Variants in ANKRD30B observed in about 807,000 individuals in gnomAD.
The protein encoded by ANKRD30B is ankyrin repeat domain-containing protein 30B.
A neutral mutation model predicts 202.2 loss-of-function variants in ANKRD30B; 144 were observed. That is an observed-to-expected ratio of 0.71 (90% CI 0.62 to 0.82). The LOEUF is 0.82. Among genes scored for constraint, ANKRD30B ranks in the 40% least tolerant of loss-of-function variants. The pLI is 0.00. For missense variants in ANKRD30B, 1,487 were observed against 1,669.1 expected, an observed-to-expected ratio of 0.89 and a Z score of 1.90; for synonymous variants, 508 against 561.3, an observed-to-expected ratio of 0.91 and a Z score of 1.34.
the ANKRD30B span, among the ~76,000 whole-genome samples, chr18:14,920,077 A>G: frequency 6.6e-6 from 1 of 152,236 alleles, no homozygotes; most frequent in East Asian, 1.9e-4. Context: ...AGGGTCAGTA[A>G]ACAAGGCACT....
the ANKRD30B span, among the ~76,000 whole-genome samples, chr18:14,912,050 A>T: frequency 6.6e-6 from 1 of 152,146 alleles, no homozygotes; most frequent in African/African-American, 2.4e-5. Flanking sequence ...CTACATATAG[A>T]TCATATTATC....
At chr18:14,880,256 C>G in the ANKRD30B span, among the ~76,000 whole-genome samples, 3 of 152,124 alleles carry the variant, frequency 2.0e-5, no homozygotes, top group Non-Finnish European at 4.4e-5. Context: ...ATTTTTAAAC[C>G]AGTACCATGC....
In ANKRD30B at chr18:14,797,670, AT is replaced by A. The variant is rs1598636685; in HGVS notation, c.1938del (p.Asp646GlufsTer6). On this transcript the variant is annotated frameshift_variant, in exon 19 of 44. Transcript: ENST00000690538. LOFTEE classifies it high-confidence loss of function. ...DRETFKAESPDKDGLLKPTCG... is the reference protein window; with the variant it reads ...DRETFKAESPXKDGLLKPTCG... Reference sequence around the variant, plus strand: ...GTCCCTTTTCTTTTAGAGTCTCCTGATAAAGATGGTCTTCTGAAGGTAATAG... The same window carrying A: ...GTCCCTTTTCTTTTAGAGTCTCCTGAAAAGATGGTCTTCTGAAGGTAATAG... 1 of 1,608,700 alleles carries A rather than the reference AT, an allele frequency of 6.2e-7. No homozygotes were observed. The highest frequency in any genetic ancestry group is 1.1e-5 in the South Asian group (1 of 90,942).
intron 14 of ANKRD30B, among the ~76,000 whole-genome samples, chr18:14,785,510 T>A (rs1319100497): frequency 6.6e-6 from 1 of 152,240 alleles, no homozygotes; most frequent in South Asian, 2.1e-4. Context: ...GTTAGTTTTA[T>A]GTGCTAATTT....
chr18:14,755,787 T>C (rs931852303), intron 4 of ANKRD30B, among the ~76,000 whole-genome samples: 5 of 152,190 alleles, frequency 3.3e-5, no homozygotes, highest in African/African-American at 1.2e-4. Flanking sequence ...CCACATTTTC[T>C]TAATCCAGTC....
intron 16 of ANKRD30B, among the ~76,000 whole-genome samples, chr18:14,794,182 A>AG (rs34545161): frequency 3.9e-5 from 6 of 152,232 alleles, no homozygotes; most frequent in East Asian, 3.9e-4. Context: ...CTTTATAAAA[A>AG]AAAGTAATTT....
At chr18:14,932,066 G>A in the ANKRD30B span, among the ~76,000 whole-genome samples, 2 of 65,756 alleles carry the variant, frequency 3.0e-5, no homozygotes, top group Non-Finnish European at 6.2e-5. Flanking sequence ...TCACTGCCCT[G>A]CCCTTGTGGG....
chr18:14,748,785 G>A (rs1183426898), intron 1 of ANKRD30B, 145 bp downstream of exon 1: 15 of 933,624 alleles, frequency 1.6e-5, no homozygotes, highest in African/African-American at 5.0e-5. Context: ...CCTGGGCCCC[G>A]AGGTCTTGGC....
the ANKRD30B span, among the ~76,000 whole-genome samples, chr18:14,894,596 A>G: frequency 6.6e-6 from 1 of 152,294 alleles, no homozygotes; most frequent in African/African-American, 2.4e-5. Flanking sequence ...GCCAATCAGA[A>G]CATTTAATCT....
the ANKRD30B span, among the ~76,000 whole-genome samples, chr18:14,867,290 T>C: frequency 1.3e-4 from 16 of 120,346 alleles, no homozygotes; most frequent in Non-Finnish European, 2.3e-4. Flanking sequence ...GTGGGCACAA[T>C]CTGGGGGCTA....
At chr18:14,859,753 T>C in the ANKRD30B span, among the ~76,000 whole-genome samples, 16 of 13,016 alleles carry the variant, frequency 1.2e-3, no homozygotes, top group Non-Finnish European at 2.1e-3. Context: ...TGGGGAGAGG[T>C]GCTCCTCACC....
chr18:14,790,288 G>T (rs1345542741), intron 15 of ANKRD30B, among the ~76,000 whole-genome samples: 1 of 152,014 alleles, frequency 6.6e-6, no homozygotes, highest in Non-Finnish European at 1.5e-5. Context: ...GGAGATTTTG[G>T]GCTGAGACAA....
chr18:14,787,965 A>C (rs1466705926), intron 15 of ANKRD30B, among the ~76,000 whole-genome samples: 1 of 152,178 alleles, frequency 6.6e-6, no homozygotes, highest in Non-Finnish European at 1.5e-5. Context: ...TTTACATTCT[A>C]TTCAAGCACT....
chr18:14,865,703 A>C, the ANKRD30B span, among the ~76,000 whole-genome samples: 2 of 147,700 alleles, frequency 1.4e-5, no homozygotes, highest in African/African-American at 2.5e-5. Flanking sequence ...GGCACTAACC[A>C]CCCTCTTTAC....
chr18:14,923,309 A>T, the ANKRD30B span, among the ~76,000 whole-genome samples: 1 of 152,162 alleles, frequency 6.6e-6, no homozygotes, highest in Non-Finnish European at 1.5e-5. Context: ...GCCTGGCAGC[A>T]TTCATACAAG....
the ANKRD30B span, among the ~76,000 whole-genome samples, chr18:14,929,487 C>A: frequency 6.6e-6 from 1 of 152,154 alleles, no homozygotes; most frequent in African/African-American, 2.4e-5. Flanking sequence ...GGCCCTTATT[C>A]CCACTGCTCT....
chr18:14,872,523 T>C, the ANKRD30B span, among the ~76,000 whole-genome samples: 3 of 152,146 alleles, frequency 2.0e-5, no homozygotes, highest in East Asian at 1.9e-4. Flanking sequence ...ACTGCTGCCA[T>C]TGGTTATATA....
At chr18:14,766,947 G>A (rs1252070551) in intron 7 of ANKRD30B, among the ~76,000 whole-genome samples, 3 of 152,262 alleles carry the variant, frequency 2.0e-5, no homozygotes, top group African/African-American at 7.2e-5. Context: ...GTGGTAATCT[G>A]TTCAAAAGAA....
the ANKRD30B span, among the ~76,000 whole-genome samples, chr18:14,864,524 CATTTTTTCCCCACT>C: frequency 1.3e-5 from 2 of 152,076 alleles, no homozygotes; most frequent in Admixed American, 1.3e-4. Flanking sequence ...TTTTCCCCAC[CATTTTTTCCCCACT>C]GTCTTTTTGC....
Sources: allele counts gnomAD v4.1 joint callset (sites outside exome capture counted in the v4.1 genomes callset), GRCh38; gene constraint gnomAD v4.1.1; transcripts MANE v1.5; gene names NCBI Gene and HGNC (gene_info 2026-07-23, HGNC 2026-07-21).